The following SGCD variants were observed in gnomAD, a reference collection of about 807,000 sequenced individuals.
SGCD encodes sarcoglycan delta, also known as delta-sarcoglycan.
SGCD carries 18 observed loss-of-function variants against 36.6 expected under a neutral mutation model. That is an observed-to-expected ratio of 0.49 (90% CI 0.34 to 0.73). The LOEUF (loss-of-function observed/expected upper bound fraction) is 0.73, where lower values mean the gene tolerates loss of function less well. Among genes scored for constraint, SGCD ranks in the 30% least tolerant of loss-of-function variants. The pLI, the probability that SGCD is intolerant of heterozygous loss-of-function variation, is 0.01. For missense variants in SGCD, 387 were observed against 346.7 expected, an observed-to-expected ratio of 1.12 and a Z score of -0.92; for synonymous variants, 133 against 130.6, an observed-to-expected ratio of 1.02 and a Z score of -0.12.
chr5:156,276,074 G>T (rs914803970), intron 3 of SGCD, among the ~76,000 whole-genome samples: 1 of 152,130 alleles, frequency 6.6e-6, no homozygotes, highest in Admixed American at 6.6e-5. Context: ...GGTACAGGAA[G>T]TTGTTTCAAC....
intron 7 of SGCD, among the ~76,000 whole-genome samples, chr5:156,756,733 T>C (rs1230827448): frequency 2.0e-5 from 3 of 152,198 alleles, no homozygotes; most frequent in Non-Finnish European, 4.4e-5. Context: ...TTCACTCATC[T>C]GCAAGTTTTC....
At position 156,454,075 on chromosome 5, in the gene SGCD, G is replaced by A. The variant is rs147589331; in HGVS notation, c.193-54526G>A. 2.4e-4 allele frequency among the ~76,000 whole-genome samples: 36 copies of A among 152,232 alleles called. 2 individuals are homozygous for A. In the East Asian group the frequency reaches 7.0e-3, roughly 29 times the overall value. The stretch of plus-strand genomic sequence containing the variant: ...TACAACTGTCAAAACTCATTGCATT[G>A]CATACTTTTTTAAAAAAGTGTGCTT... On this transcript the variant is annotated intron_variant, in intron 3 of 8. Transcript: ENST00000337851.
At chr5:155,809,235 C>T in the SGCD span, among the ~76,000 whole-genome samples, 6 of 152,100 alleles carry the variant, frequency 3.9e-5, no homozygotes, top group Non-Finnish European at 7.4e-5. Context: ...GCACTGGAAG[C>T]GATGTGATGC....
At chr5:156,713,484 T>C (rs1755089372) in intron 7 of SGCD, among the ~76,000 whole-genome samples, 1 of 151,948 alleles carries the variant, frequency 6.6e-6, no homozygotes, top group Non-Finnish European at 1.5e-5. Context: ...AGATGAAACC[T>C]CTCAGGTAGC....
chr5:156,549,151 T>TTTTTTTTTTTTTTTTTTTTTTTTTTTGAG (rs1758695198), intron 4 of SGCD, among the ~76,000 whole-genome samples: 2 of 151,934 alleles, frequency 1.3e-5, no homozygotes, highest in African/African-American at 4.9e-5. Context: ...TAGGACTATT[T>TTTTTTTTTTTTTTTTTTTTTTTTTTTGAG]AACATTCTAT....
chr5:156,637,445 G>A (rs770453165), intron 6 of SGCD, among the ~76,000 whole-genome samples: 8 of 152,124 alleles, frequency 5.3e-5, no homozygotes, highest in African/African-American at 1.7e-4. Flanking sequence ...CTCATGGTCA[G>A]AAGATGAGAT....
the SGCD span, among the ~76,000 whole-genome samples, chr5:155,818,437 T>C: frequency 6.6e-6 from 1 of 152,134 alleles, no homozygotes; most frequent in East Asian, 1.9e-4. Flanking sequence ...GGGGTAAGGC[T>C]GAAATCATCG....
chr5:156,559,275 C>T (rs1272991691), intron 4 of SGCD, among the ~76,000 whole-genome samples: 13 of 152,092 alleles, frequency 8.5e-5, no homozygotes, highest in Admixed American at 6.6e-4. Context: ...TTGGAATACC[C>T]GCATCTGTCA....
intron 1 of SGCD, among the ~76,000 whole-genome samples, chr5:156,012,305 T>C (rs976210897): frequency 6.6e-6 from 1 of 152,218 alleles, no homozygotes; most frequent in Non-Finnish European, 1.5e-5. Context: ...CTATCTTACA[T>C]GCTTACGTAT....
chr5:156,189,716 C>T (rs1763844327), intron 3 of SGCD, among the ~76,000 whole-genome samples: 1 of 151,986 alleles, frequency 6.6e-6, no homozygotes, highest in South Asian at 2.1e-4. Flanking sequence ...AAGCATTGAA[C>T]TTTCAAAGTC....
At chr5:156,712,453 C>T (rs1007659373) in intron 7 of SGCD, among the ~76,000 whole-genome samples, 2 of 152,116 alleles carry the variant, frequency 1.3e-5, no homozygotes, top group African/African-American at 4.8e-5. Flanking sequence ...GTTTATTTTC[C>T]CAAACAAGGT....
intron 6 of SGCD, among the ~76,000 whole-genome samples, chr5:156,616,450 T>C (rs1254224097): frequency 6.6e-6 from 1 of 152,172 alleles, no homozygotes; most frequent in East Asian, 1.9e-4. Context: ...ATGCAAATAC[T>C]TGTTATAGTA....
At chr5:156,526,275 G>C (rs1035929853) in intron 4 of SGCD, among the ~76,000 whole-genome samples, 2 of 152,098 alleles carry the variant, frequency 1.3e-5, no homozygotes, top group African/African-American at 4.8e-5. Flanking sequence ...AAAAAAGTGA[G>C]AACTATCATG....
At chr5:156,538,263 A>T (rs1758201765) in intron 4 of SGCD, among the ~76,000 whole-genome samples, 1 of 152,176 alleles carries the variant, frequency 6.6e-6, no homozygotes, top group Admixed American at 6.5e-5. Context: ...CAATGAAAGG[A>T]TGTTGTTTCT....
At chr5:155,913,989 C>A (rs1756686674) in intron 1 of SGCD, among the ~76,000 whole-genome samples, 1 of 152,154 alleles carries the variant, frequency 6.6e-6, no homozygotes, top group Non-Finnish European at 1.5e-5. Context: ...GCATAAAACA[C>A]ATAAAATGTT....
chr5:156,611,232 G>T (rs543546584), intron 6 of SGCD, among the ~76,000 whole-genome samples: 3 of 152,322 alleles, frequency 2.0e-5, no homozygotes, highest in African/African-American at 7.2e-5. Context: ...ATACATTCCT[G>T]TGTTTCATGA....
At chr5:155,909,133 C>A (rs949865268) in intron 1 of SGCD, among the ~76,000 whole-genome samples, 29 of 152,064 alleles carry the variant, frequency 1.9e-4, no homozygotes, top group African/African-American at 7.0e-4. Context: ...GTCTGCAATT[C>A]TCCTACAGGT....
chr5:156,253,516 TA>T, intron 3 of SGCD, among the ~76,000 whole-genome samples: 1 of 152,332 alleles, frequency 6.6e-6, no homozygotes, highest in Middle Eastern at 3.4e-3. Context: ...AGTACTGACA[TA>T]TTTCGGTTAC....
chr5:156,542,913 T>C (rs1758406499), intron 4 of SGCD, among the ~76,000 whole-genome samples: 1 of 152,198 alleles, frequency 6.6e-6, no homozygotes, highest in Admixed American at 6.5e-5. Flanking sequence ...CTTCATAGTC[T>C]TTTGAGATCA....
Sources: gnomAD v4.1 joint callset for allele counts (sites outside exome capture counted in the v4.1 genomes callset) on GRCh38, gnomAD v4.1.1 for gene constraint, MANE v1.5 for transcripts, NCBI Gene and HGNC (gene_info 2026-07-23, HGNC 2026-07-21) for gene names.